The following VPS13C variants were observed in gnomAD, a reference collection of about 807,000 sequenced individuals.
VPS13C encodes the protein vacuolar protein sorting 13 homolog C.
Under a neutral mutation model 456.8 loss-of-function variants are expected in VPS13C, and 358 were observed. The observed-to-expected ratio is 0.78, with a 90% confidence interval of 0.72 to 0.86. VPS13C has a LOEUF of 0.86. Among genes scored for constraint, VPS13C ranks in the 40% least tolerant of loss-of-function variants. VPS13C has a pLI of 0.00. For missense variants in VPS13C, 4,818 were observed against 4,385.4 expected (o/e 1.10, Z -2.79); for synonymous variants, 1,578 against 1,486.7 (o/e 1.06, Z -1.41).
intron 52 of VPS13C, among the ~76,000 whole-genome samples, chr15:61,926,181 T>C (rs117532109): frequency 0.012 from 1,899 of 152,278 alleles, 14 homozygotes; most frequent in Middle Eastern, 0.024. Context: ...GGGGGAATGC[T>C]TGAGGCCACG....
At chr15:62,000,679 A>T in intron 15 of VPS13C, 53 bp from the exon 16 acceptor site, 1 of 1,501,146 alleles carries the variant, frequency 6.7e-7, no homozygotes, top group Non-Finnish European at 9.0e-7. Flanking sequence ...TAGATAAAAG[A>T]AATTTTTCTT....
At chr15:62,045,110 C>A (rs558667074) in intron 1 of VPS13C, among the ~76,000 whole-genome samples, 17 of 152,014 alleles carry the variant, frequency 1.1e-4, no homozygotes, top group Non-Finnish European at 2.5e-4. Flanking sequence ...TTGTTTACAT[C>A]ATTTTAGAGA....
intron 66 of VPS13C, among the ~76,000 whole-genome samples, chr15:61,891,644 G>T (rs2042654260): frequency 6.6e-6 from 1 of 152,056 alleles, no homozygotes; most frequent in Admixed American, 6.6e-5. Flanking sequence ...AGCATTTTAA[G>T]TTTTATATGT....
intron 35 of VPS13C, among the ~76,000 whole-genome samples, chr15:61,960,237 G>A (rs2045148427): frequency 6.6e-6 from 1 of 152,104 alleles, no homozygotes; most frequent in Non-Finnish European, 1.5e-5. Context: ...AGAGGTGAGT[G>A]GAACCGGACT....
chr15:62,013,215 C>G, intron 10 of VPS13C, 96 bp from the exon 11 acceptor site: 2 of 751,208 alleles, frequency 2.7e-6, no homozygotes, highest in Non-Finnish European at 2.0e-6. Flanking sequence ...TCCAAAATTA[C>G]CCAAATGCCA....
chr15:62,006,393 T>A (rs1328326495), intron 15 of VPS13C, among the ~76,000 whole-genome samples: 1 of 152,128 alleles, frequency 6.6e-6, no homozygotes, highest in Non-Finnish European at 1.5e-5. Context: ...CTGAGAATGA[T>A]GGTTTCCAGT....
chr15:61,880,876 G>A lies in VPS13C; in HGVS notation c.9855C>T (p.Thr3285=), dbSNP rs1361743759. ...GFLGAIIALF[T]PTTDPEAERR... Reference sequence around the variant, plus strand: ...TTTCAGCTTCAGGGTCTGTTGTTGGGGTAAACAGTGCAATAATAGCTCCTA... The same window carrying A: ...TTTCAGCTTCAGGGTCTGTTGTTGGAGTAAACAGTGCAATAATAGCTCCTA... The change falls in exon 72 of 85, where the codon ACC becomes ACT. Residue 3285 remains threonine, a synonymous_variant. Coordinates refer to ENST00000644861, the MANE Select transcript of VPS13C (RefSeq NM_020821.3). 1.2e-6 allele frequency: 2 copies of A among 1,608,798 alleles called. No homozygotes were observed. Among genetic ancestry groups the A allele is most frequent in the African/African-American group, 1.3e-5 (1 of 74,600 alleles).
intron 47 of VPS13C, among the ~76,000 whole-genome samples, chr15:61,940,356 T>A (rs2044378204): frequency 6.6e-6 from 1 of 152,212 alleles, no homozygotes; most frequent in Non-Finnish European, 1.5e-5. Context: ...TTACCAAATA[T>A]CTAACTAAAA....
Position 61,882,738 on chromosome 15 carries a change from T to A in VPS13C, c.9484-2A>T. On this transcript the variant is annotated splice_acceptor_variant, in intron 68 of 84. Transcript: ENST00000644861. LOFTEE classifies it high-confidence loss of function. ...CATTGGATCTTTATCAAAATTGACC[T>A]AGAAAAAAAGCACATGTTTTTGTGA... 6.3e-7 allele frequency: 1 copy of A among 1,584,762 alleles called. No homozygotes were observed. Among genetic ancestry groups the A allele is most frequent in the Non-Finnish European group, 8.6e-7 (1 of 1,168,812 alleles).
rs1407284137 is a variant in VPS13C at position 61,977,143 on chromosome 15, G to A, written c.2347C>T (p.Pro783Ser). 5 of 1,597,814 alleles carry A rather than the reference G, an allele frequency of 3.1e-6. No homozygotes were observed. Among genetic ancestry groups the A allele is most frequent in the East Asian group, 2.3e-5 (1 of 43,662 alleles). Residue 783 changes from proline (P) to serine (S), a missense_variant, in exon 24 of 85, where the codon CCC becomes TCC. Coordinates refer to ENST00000644861, the MANE Select transcript of VPS13C (RefSeq NM_020821.3). ...GCCAACTCAACATGAATATCCATGGGTTGCAATATATGCATAGTTGATGGA... is the reference window on the plus strand; with the variant it reads ...GCCAACTCAACATGAATATCCATGGATTGCAATATATGCATAGTTGATGGA... The part of the protein sequence containing the change: ...QHPSTMHILQ[P>S]MDIHVELAKA...
rs372490747 is a variant in VPS13C at position 61,954,379 on chromosome 15, C to T, written c.4299+42G>A. The T allele has an allele frequency of 7.2e-5, 114 of 1,585,396 alleles. No individual in the cohort carries two copies. The African/African-American group carries it at 1.5e-3, about 20-fold the overall frequency. On this transcript the variant is annotated intron_variant, in intron 38 of 84. Transcript: ENST00000644861. ...GTAGAGGTAATTCCAATATCCATTA[C>T]TTATTCACCTCACTTTACAAAAACA...
At chr15:61,969,107 C>T (rs1415362234) in intron 28 of VPS13C, among the ~76,000 whole-genome samples, 192 bp downstream of exon 28, 2 of 152,056 alleles carry the variant, frequency 1.3e-5, no homozygotes, top group African/African-American at 4.8e-5. Flanking sequence ...AGTTTACTTA[C>T]ATTTAAACCA....
At chr15:61,989,789 C>A (rs1333321180) in intron 18 of VPS13C, among the ~76,000 whole-genome samples, 1 of 152,142 alleles carries the variant, frequency 6.6e-6, no homozygotes, top group Non-Finnish European at 1.5e-5. Context: ...ATTGATAATG[C>A]CAAGTGCTGG....
chr15:61,923,428 C>A (rs1373672264), intron 53 of VPS13C, among the ~76,000 whole-genome samples: 2 of 152,122 alleles, frequency 1.3e-5, no homozygotes, highest in Admixed American at 1.3e-4. Context: ...AGCCTACACT[C>A]CACACTGCCA....
At chr15:62,039,650 C>T (rs2048178105) in intron 3 of VPS13C, among the ~76,000 whole-genome samples, 1 of 152,082 alleles carries the variant, frequency 6.6e-6, no homozygotes, top group South Asian at 2.1e-4. Flanking sequence ...ATCAAAACTA[C>T]AATGATATAC....
chr15:61,987,911 T>A (rs1227038924), intron 18 of VPS13C, among the ~76,000 whole-genome samples: 1 of 152,046 alleles, frequency 6.6e-6, no homozygotes, highest in Non-Finnish European at 1.5e-5. Flanking sequence ...AAAACATATC[T>A]CCACCAAAGA....
intron 57 of VPS13C, 30 bp from the exon 58 acceptor site, chr15:61,919,479 C>A (rs1376561812): frequency 2.0e-6 from 3 of 1,464,398 alleles, no homozygotes; most frequent in Non-Finnish European, 2.7e-6. Context: ...AAAAGAATTC[C>A]AAATATTAAT....
In VPS13C at chr15:61,867,054, A is replaced by T. The variant is rs1022934947; in HGVS notation, c.10863+1605T>A. 1.1e-6 allele frequency: 1 copy of T among 922,704 alleles called. No individual in the cohort carries two copies. Among genetic ancestry groups the T allele is most frequent in the Admixed American group, 6.2e-5 (1 of 16,172 alleles). 57.2% of individuals were successfully genotyped at this position (922,704 alleles called of 1,614,324 possible). On this transcript the variant is annotated intron_variant, in intron 81 of 84. Coordinates refer to ENST00000644861, the MANE Select transcript of VPS13C (RefSeq NM_020821.3). The surrounding 1 kb of genome is among the most constrained non-coding windows in gnomAD (Gnocchi z 5.0). The stretch of plus-strand genomic sequence containing the variant: ...ACTAATTTCAAAAATAATGATTATA[A>T]TTATTTTTTCTCTAAGATAATAAAC...
chr15:62,024,880 T>C (rs1384060211), intron 6 of VPS13C, among the ~76,000 whole-genome samples: 1 of 152,070 alleles, frequency 6.6e-6, no homozygotes, highest in African/African-American at 2.4e-5. Context: ...TGAACTTCCG[T>C]CACCCTCCCG....
Sources: gnomAD v4.1 joint callset for allele counts (sites outside exome capture counted in the v4.1 genomes callset) on GRCh38, gnomAD v4.1.1 for gene constraint, Gnocchi (gnomAD v3.1) non-coding constraint, MANE v1.5 for transcripts, NCBI Gene and HGNC (gene_info 2026-07-23, HGNC 2026-07-21) for gene names.